SLC35F1: variants seen among roughly 807,000 people sequenced by gnomAD.
SLC35F1 encodes the protein chromosome 6 open reading frame 169.
Under a neutral mutation model 48.7 loss-of-function variants are expected in SLC35F1, and 14 were observed. That is an observed-to-expected ratio of 0.29 (90% CI 0.19 to 0.45). The LOEUF (loss-of-function observed/expected upper bound fraction) is 0.45, where lower values mean the gene tolerates loss of function less well. SLC35F1 is among the 20% of genes least tolerant of loss of function. The pLI, the probability that SLC35F1 is intolerant of heterozygous loss-of-function variation, is 1.00. For synonymous variants in SLC35F1, 190 were observed against 202.2 expected (o/e 0.94, Z 0.51); for missense variants, 404 against 500.0 (o/e 0.81, Z 1.83).
intron 3 of SLC35F1, among the ~76,000 whole-genome samples, chr6:118,246,200 T>C (rs994365676): frequency 2.0e-5 from 3 of 151,664 alleles, no homozygotes; most frequent in Non-Finnish European, 4.4e-5. Context: ...AATCCCTTAT[T>C]TCTCCAGGAT....
chr6:118,081,383 C>T (rs1009554210), intron 1 of SLC35F1, among the ~76,000 whole-genome samples: 2 of 152,038 alleles, frequency 1.3e-5, no homozygotes, highest in African/African-American at 4.8e-5. Context: ...GTAATCCTAA[C>T]ACTGTGGGAG....
At chr6:118,104,096 CCCCTT>C (rs141839854) in intron 1 of SLC35F1, among the ~76,000 whole-genome samples, 20,845 of 150,772 alleles carry the variant, frequency 0.14, 1,452 homozygotes, top group South Asian at 0.28. Context: ...TTTCTTCCCT[CCCCTT>C]CCCTTCCCTT....
intron 4 of SLC35F1, among the ~76,000 whole-genome samples, chr6:118,273,907 A>C (rs1775888456): frequency 6.6e-6 from 1 of 152,212 alleles, no homozygotes; most frequent in African/African-American, 2.4e-5. Context: ...AATCCTTGAC[A>C]GGAAAAAGAA....
At chr6:118,173,413 A>T (rs573880045) in intron 2 of SLC35F1, among the ~76,000 whole-genome samples, 1 of 151,726 alleles carries the variant, frequency 6.6e-6, no homozygotes, top group African/African-American at 2.4e-5. Flanking sequence ...CAAAAAAAAA[A>T]CAGCCAAAAC....
intron 1 of SLC35F1, among the ~76,000 whole-genome samples, chr6:118,149,694 T>A (rs1187704452): frequency 6.6e-6 from 1 of 152,188 alleles, no homozygotes; most frequent in Non-Finnish European, 1.5e-5. Flanking sequence ...ATAATTTGTA[T>A]TCTCCATCAA....
chr6:117,967,321 T>A (rs995806908), intron 1 of SLC35F1, among the ~76,000 whole-genome samples: 11 of 151,814 alleles, frequency 7.2e-5, no homozygotes, highest in African/African-American at 1.2e-4. Context: ...ATAGAAAAAA[T>A]TTTTACTATA....
intron 1 of SLC35F1, among the ~76,000 whole-genome samples, chr6:117,987,504 C>T (rs1367542194): frequency 2.6e-5 from 4 of 151,824 alleles, no homozygotes; most frequent in African/African-American, 7.3e-5. Context: ...ATCTCTTTTC[C>T]CTCTTCCTCC....
At chr6:117,923,382 T>C (rs1303219398) in intron 1 of SLC35F1, among the ~76,000 whole-genome samples, 5 of 151,590 alleles carry the variant, frequency 3.3e-5, no homozygotes, top group South Asian at 2.1e-4. Context: ...GAAGAAGGAA[T>C]TATTAGATAC....
intron 1 of SLC35F1, among the ~76,000 whole-genome samples, chr6:118,088,310 G>T (rs1230838397): frequency 2.0e-5 from 3 of 152,164 alleles, no homozygotes; most frequent in Non-Finnish European, 4.4e-5. Context: ...GCTACAATTT[G>T]TAAGTATTTC....
At chr6:117,916,661 G>A (rs1316150130) in intron 1 of SLC35F1, among the ~76,000 whole-genome samples, 2 of 152,256 alleles carry the variant, frequency 1.3e-5, no homozygotes, top group Admixed American at 1.3e-4. Flanking sequence ...AACTATTTAG[G>A]AGTACAGGAC....
chr6:117,944,596 C>T (rs1054346674), intron 1 of SLC35F1, among the ~76,000 whole-genome samples: 1 of 151,130 alleles, frequency 6.6e-6, no homozygotes, highest in South Asian at 2.1e-4. Flanking sequence ...TACACATACA[C>T]ACACACACAC....
intron 7 of SLC35F1, among the ~76,000 whole-genome samples, chr6:118,286,284 G>T (rs192313110): frequency 6.6e-6 from 1 of 152,164 alleles, no homozygotes; most frequent in African/African-American, 2.4e-5. Flanking sequence ...GCCACCATCC[G>T]CAGCACTCGG....
At chr6:118,151,667 C>A (rs1774059542) in intron 1 of SLC35F1, among the ~76,000 whole-genome samples, 1 of 152,074 alleles carries the variant, frequency 6.6e-6, no homozygotes, top group Non-Finnish European at 1.5e-5. Context: ...AGACATGCAC[C>A]ACCACACCTG....
chr6:118,198,958 A>C (rs1299047540), intron 2 of SLC35F1, among the ~76,000 whole-genome samples: 1 of 152,218 alleles, frequency 6.6e-6, no homozygotes, highest in African/African-American at 2.4e-5. Context: ...AGACAGCAAG[A>C]ATCAACAGAA....
At chr6:118,138,594 G>A (rs1299267038) in intron 1 of SLC35F1, among the ~76,000 whole-genome samples, 5 of 152,142 alleles carry the variant, frequency 3.3e-5, no homozygotes, top group Admixed American at 3.3e-4. Flanking sequence ...TTTATCTGAA[G>A]TGTGCTTGAA....
chr6:118,109,756 C>T (rs935423088), intron 1 of SLC35F1, among the ~76,000 whole-genome samples: 5 of 152,098 alleles, frequency 3.3e-5, no homozygotes, highest in Admixed American at 6.6e-5. Context: ...ATGCCAGACA[C>T]ACCAGGAGCT....
At chr6:117,921,741 C>T (rs2114801362) in intron 1 of SLC35F1, among the ~76,000 whole-genome samples, 1 of 152,326 alleles carries the variant, frequency 6.6e-6, no homozygotes, top group East Asian at 1.9e-4. Flanking sequence ...TATTACTTCC[C>T]TGGCCCCAAA....
intron 7 of SLC35F1, among the ~76,000 whole-genome samples, chr6:118,291,652 T>C (rs998099628): frequency 2.0e-5 from 3 of 152,210 alleles, no homozygotes. Context: ...CATTCCCTGG[T>C]GGCTTCCATA....
At chr6:118,121,780 TCA>T (rs1773556083) in intron 1 of SLC35F1, among the ~76,000 whole-genome samples, 1 of 152,182 alleles carries the variant, frequency 6.6e-6, no homozygotes, top group African/African-American at 2.4e-5. Flanking sequence ...AGGAAGACTC[TCA>T]GAGACATTAA....
Sources: gnomAD v4.1 joint callset for allele counts (sites outside exome capture counted in the v4.1 genomes callset) on GRCh38, gnomAD v4.1.1 for gene constraint, MANE v1.5 for transcripts, NCBI Gene and HGNC (gene_info 2026-07-23, HGNC 2026-07-21) for gene names.